The following ZFPM2 variants were observed in gnomAD, a reference collection of about 807,000 sequenced individuals.
The protein encoded by ZFPM2 is zinc finger protein ZFPM2.
A neutral mutation model predicts 98.6 loss-of-function variants in ZFPM2; 20 were observed. The observed-to-expected ratio is 0.20, with a 90% CI of 0.14 to 0.29. The LOEUF is 0.29. Ranked by LOEUF, ZFPM2 falls within the 10% of genes least tolerant of loss-of-function variation. The probability of loss-of-function intolerance (pLI) is 1.00; values close to 1 mark genes in which losing one functional copy is unlikely to be tolerated. For synonymous variants in ZFPM2, 518 were observed against 502.7 expected (o/e 1.03, Z -0.41); for missense variants, 1,310 against 1,388.6 (o/e 0.94, Z 0.90).
chr8:105,716,882 G>A (rs1349615717), intron 5 of ZFPM2, among the ~76,000 whole-genome samples: 1 of 151,948 alleles, frequency 6.6e-6, no homozygotes, highest in Non-Finnish European at 1.5e-5. Context: ...CTGTTACAAT[G>A]GATTAATCAT....
intron 5 of ZFPM2, among the ~76,000 whole-genome samples, chr8:105,759,567 C>T (rs546604741): frequency 1.3e-5 from 2 of 149,812 alleles, no homozygotes; most frequent in African/African-American, 5.0e-5. Flanking sequence ...CATGGACTGT[C>T]TCTTGATAAT....
intron 5 of ZFPM2, among the ~76,000 whole-genome samples, chr8:105,728,780 A>G (rs1458442610): frequency 6.6e-6 from 1 of 151,824 alleles, no homozygotes; most frequent in Non-Finnish European, 1.5e-5. Context: ...CAGCAGTGAC[A>G]GTTGCACTAT....
intron 5 of ZFPM2, among the ~76,000 whole-genome samples, chr8:105,752,364 T>C (rs1290857199): frequency 6.6e-6 from 1 of 152,136 alleles, no homozygotes; most frequent in Non-Finnish European, 1.5e-5. Flanking sequence ...AGCACAGACT[T>C]TCCGAGACTA....
At chr8:105,501,329 C>T (rs1160467721) in intron 3 of ZFPM2, among the ~76,000 whole-genome samples, 4 of 151,134 alleles carry the variant, frequency 2.6e-5, no homozygotes, top group Non-Finnish European at 5.9e-5. Flanking sequence ...ATTACAGGCA[C>T]CTGCCACCAC....
At chr8:105,673,557 T>G (rs1251082507) in intron 5 of ZFPM2, among the ~76,000 whole-genome samples, 1 of 152,116 alleles carries the variant, frequency 6.6e-6, no homozygotes, top group Non-Finnish European at 1.5e-5. Context: ...GAAGGAAAAT[T>G]ACATTTCCTT....
intron 5 of ZFPM2, among the ~76,000 whole-genome samples, chr8:105,739,601 A>C (rs1199302265): frequency 6.6e-6 from 1 of 151,876 alleles, no homozygotes; most frequent in East Asian, 1.9e-4. Context: ...AGTTTGGATA[A>C]ATTTTTGCTT....
At chr8:105,453,812 A>G (rs553440221) in intron 3 of ZFPM2, among the ~76,000 whole-genome samples, 1 of 151,674 alleles carries the variant, frequency 6.6e-6, no homozygotes, top group African/African-American at 2.4e-5. Context: ...TTTAGTAGTG[A>G]TGGGGTTTCA....
chr8:105,612,758 T>C (rs1816332484), intron 4 of ZFPM2, among the ~76,000 whole-genome samples: 1 of 152,138 alleles, frequency 6.6e-6, no homozygotes, highest in African/African-American at 2.4e-5. Context: ...TTCTACAGGG[T>C]CACTACATAT....
At chr8:105,755,606 G>C (rs899678815) in intron 5 of ZFPM2, among the ~76,000 whole-genome samples, 4 of 152,054 alleles carry the variant, frequency 2.6e-5, no homozygotes, top group African/African-American at 9.7e-5. Flanking sequence ...ATTTCAATTA[G>C]CTCTAAAATA....
chr8:105,524,686 CAT>C (rs1200223030), intron 3 of ZFPM2, among the ~76,000 whole-genome samples: 1 of 152,122 alleles, frequency 6.6e-6, no homozygotes, highest in Non-Finnish European at 1.5e-5. Flanking sequence ...ATCAAAGAGA[CAT>C]ATGCTGTTCG....
chr8:105,686,286 C>T (rs1810732195), intron 5 of ZFPM2, among the ~76,000 whole-genome samples: 1 of 152,044 alleles, frequency 6.6e-6, no homozygotes, highest in East Asian at 1.9e-4. Context: ...GACAATTAAA[C>T]AGTCGTTTTG....
rs113478272 is a variant in ZFPM2, at chr8:105,363,278, T to C, written c.40+44297T>C. 4.5e-3 allele frequency among the ~76,000 whole-genome samples: 687 copies of C among 152,318 alleles called. 5 individuals are homozygous for C. Among genetic ancestry groups the C allele is most frequent in the African/African-American group, 0.016 (658 of 41,568 alleles). On this transcript the variant is annotated intron_variant, in intron 1 of 7. Coordinates refer to ENST00000407775, the MANE Select transcript of ZFPM2 (RefSeq NM_012082.4). ...TGTGGCTTGCTAAATATATATTTAA[T>C]AGAAAACATTTTTATCTTTCCACTG... is the stretch of plus-strand genomic sequence containing the variant.
Position 105,546,217 on chromosome 8 carries a change from C to G in ZFPM2, c.302-15146C>G, listed in dbSNP as rs1268677639. On this transcript the variant is annotated intron_variant, in intron 3 of 7. Coordinates refer to ENST00000407775, the MANE Select transcript of ZFPM2 (RefSeq NM_012082.4). ...TAATTGCGATTATCAAGCAAATCTGCATGTTGAACGAGACTAGTTTTTATC... is the reference window on the plus strand; with the variant it reads ...TAATTGCGATTATCAAGCAAATCTGGATGTTGAACGAGACTAGTTTTTATC... Among the ~76,000 whole-genome samples the G allele has an allele frequency of 2.0e-5, 3 of 152,070 alleles. No individual in the cohort carries two copies. The East Asian group carries it at 5.8e-4, about 29-fold the overall frequency.
At chr8:105,608,580 G>GTTTTTTTTTTTTT (rs397978197) in intron 4 of ZFPM2, among the ~76,000 whole-genome samples, 1 of 108,748 alleles carries the variant, frequency 9.2e-6, no homozygotes, top group African/African-American at 3.4e-5. Context: ...AACACCAAGA[G>GTTTTTTTTTTTTT]TTTTTTTTTT....
intron 3 of ZFPM2, among the ~76,000 whole-genome samples, chr8:105,553,623 G>T (rs1421935256): frequency 1.3e-5 from 2 of 152,054 alleles, no homozygotes; most frequent in African/African-American, 4.8e-5. Flanking sequence ...CTTCTGATTT[G>T]CTGCTGTCAC....
chr8:105,738,694 T>A (rs1812145532), intron 5 of ZFPM2, among the ~76,000 whole-genome samples: 1 of 152,088 alleles, frequency 6.6e-6, no homozygotes, highest in Non-Finnish European at 1.5e-5. Context: ...ATTTTTTGAC[T>A]TTCTCATAAT....
At chr8:105,710,252 A>T (rs1811352551) in intron 5 of ZFPM2, among the ~76,000 whole-genome samples, 2 of 152,284 alleles carry the variant, frequency 1.3e-5, no homozygotes, top group East Asian at 3.9e-4. Flanking sequence ...TTTATGCAAC[A>T]TGTCTAATGT....
chr8:105,710,362 A>G (rs553854343), intron 5 of ZFPM2, among the ~76,000 whole-genome samples: 1 of 152,262 alleles, frequency 6.6e-6, no homozygotes, highest in African/African-American at 2.4e-5. Context: ...GGAGGGGGAT[A>G]TATGGTAAAT....
chr8:105,406,662 A>T (rs1342328678), intron 1 of ZFPM2, among the ~76,000 whole-genome samples: 5 of 151,998 alleles, frequency 3.3e-5, no homozygotes, highest in Non-Finnish European at 7.4e-5. Flanking sequence ...GTCTTAGAAT[A>T]ACCTGGATGG....
Sources: allele counts gnomAD v4.1 joint callset (sites outside exome capture counted in the v4.1 genomes callset), GRCh38; gene constraint gnomAD v4.1.1; transcripts MANE v1.5; gene names NCBI Gene and HGNC (gene_info 2026-07-23, HGNC 2026-07-21).